The following BUB1 variants were observed in gnomAD, a reference collection of about 807,000 sequenced individuals.
BUB1 encodes mitotic checkpoint serine/threonine-protein kinase BUB1.
In BUB1, 84 loss-of-function variants were observed where a neutral mutation model predicts 135.2. The observed-to-expected ratio is 0.62, with a 90% CI of 0.52 to 0.74. The LOEUF (loss-of-function observed/expected upper bound fraction) is 0.74. BUB1 is among the 30% of genes least tolerant of loss of function. BUB1 has a pLI of 0.00. For synonymous variants in BUB1, 403 were observed against 434.4 expected, an observed-to-expected ratio of 0.93 and a Z score of 0.90; for missense variants, 1,162 against 1,288.3, an observed-to-expected ratio of 0.90 and a Z score of 1.50.
intron 16 of BUB1, among the ~76,000 whole-genome samples, chr2:110,655,005 A>G (rs1689889075): frequency 6.6e-6 from 1 of 152,226 alleles, no homozygotes; most frequent in South Asian, 2.1e-4. Flanking sequence ...TGGTATCTGC[A>G]GGGGTTCCTG....
chr2:110,652,051 T>C (rs1434028627), intron 17 of BUB1, among the ~76,000 whole-genome samples: 2 of 151,220 alleles, frequency 1.3e-5, no homozygotes, highest in East Asian at 3.9e-4. Context: ...TGTATACATA[T>C]ACATCCATAC....
At chr2:110,655,630 T>G (rs1236922644) in intron 16 of BUB1, 109 bp downstream of exon 16, 10 of 1,069,976 alleles carry the variant, frequency 9.3e-6, no homozygotes, top group Non-Finnish European at 1.2e-5. Flanking sequence ...ATTTTCAAAG[T>G]TCCCATGTGG....
At chr2:110,672,284 C>A (rs1690444688) in intron 4 of BUB1, among the ~76,000 whole-genome samples, 1 of 152,090 alleles carries the variant, frequency 6.6e-6, no homozygotes, top group South Asian at 2.1e-4. Flanking sequence ...TAAACAACTT[C>A]AATGTCCAAT....
intron 13 of BUB1, 52 bp from the exon 14 acceptor site, chr2:110,657,697 CT>C: frequency 7.7e-7 from 1 of 1,297,554 alleles, no homozygotes; most frequent in Non-Finnish European, 1.1e-6. Flanking sequence ...AAAAAACATC[CT>C]TTATATTAAA....
intron 18 of BUB1, 150 bp from the exon 19 acceptor site, chr2:110,649,527 C>A: frequency 1.2e-6 from 1 of 803,658 alleles, no homozygotes; most frequent in Non-Finnish European, 1.8e-6. Context: ...TAAAAAAGAA[C>A]TATTTTTAAA....
intron 9 of BUB1, among the ~76,000 whole-genome samples, chr2:110,665,160 G>A (rs1690210510): frequency 1.3e-5 from 2 of 152,190 alleles, no homozygotes; most frequent in Admixed American, 1.3e-4. Context: ...ATCTATCAGA[G>A]GTGTTAGGTA....
At position 110,657,590 on chromosome 2, in the gene BUB1, T is replaced by G. The variant is rs201234763; in HGVS notation, c.1572A>C (p.Ser524=). The G allele has an allele frequency of 6.2e-7, 1 of 1,608,358 alleles. No homozygotes were observed. Among genetic ancestry groups the G allele is most frequent in the South Asian group, 1.1e-5 (1 of 90,150 alleles). The change falls in exon 14 of 25, where the codon TCA becomes TCC. Residue 524 remains serine (S), a synonymous_variant. Coordinates refer to ENST00000302759, the MANE Select transcript of BUB1 (RefSeq NM_004336.5). ...CATCTTCAAACACATGAAAAGCAGA[T>G]GACAAAGAAGAGATGATCTTATTGA... is the stretch of plus-strand genomic sequence containing the variant. ...WGVNKIISSL[S]SAFHVFEDGN...
chr2:110,673,948 A>T, intron 3 of BUB1, 138 bp downstream of exon 3: 1 of 735,254 alleles, frequency 1.4e-6, no homozygotes, highest in Non-Finnish European at 2.1e-6. Flanking sequence ...TGAATCAGAG[A>T]ATGAACAGAT....
At chr2:110,654,256 C>A (rs558372619) in intron 16 of BUB1, among the ~76,000 whole-genome samples, 96 of 151,936 alleles carry the variant, frequency 6.3e-4, no homozygotes, top group African/African-American at 2.3e-3. Flanking sequence ...ATGTTGTAGT[C>A]AATTAGTTGA....
At chr2:110,642,268 C>T (rs767387668) in intron 19 of BUB1, 34 bp from the exon 20 acceptor site, 16 of 1,379,490 alleles carry the variant, frequency 1.2e-5, no homozygotes, top group Middle Eastern at 1.8e-4. Context: ...AATTTATGTA[C>T]GCCTTTTATT....
rs776826645 is a variant in BUB1 at position 110,641,338 on chromosome 2, T to C, written c.2752A>G (p.Ile918Val). Residue 918 changes from isoleucine (I) to valine (V), a missense_variant, in exon 22 of 25, where the codon ATT becomes GTT. By Grantham distance (29) the Ile-to-Val change is conservative. Transcript: ENST00000302759. ...CCAAGTATGAAATTGTCTGGTTTAA[T>C]GTCTCCATGAATGATTTCACAGTCA... is the stretch of plus-strand genomic sequence containing the variant. ...VHDCEIIHGD[I>V]KPDNFILGNG... 5.6e-6 allele frequency: 9 copies of C among 1,612,244 alleles called. No homozygotes were observed. The South Asian group carries it at 6.6e-5, about 12-fold the overall frequency.
intron 3 of BUB1, among the ~76,000 whole-genome samples, chr2:110,673,603 C>T (rs532910841): frequency 2.7e-4 from 37 of 135,372 alleles, no homozygotes; most frequent in African/African-American, 1.0e-3. Context: ...GGTGGGGGAG[C>T]GGGGGGTGGG....
chr2:110,670,031 C>A (rs1007842293), intron 5 of BUB1, among the ~76,000 whole-genome samples: 1 of 149,248 alleles, frequency 6.7e-6, no homozygotes, highest in African/African-American at 2.5e-5. Context: ...GACAAAGCCT[C>A]TGCTCTTTGG....
At chr2:110,646,091 G>A (rs1444576541) in intron 19 of BUB1, among the ~76,000 whole-genome samples, 1 of 151,138 alleles carries the variant, frequency 6.6e-6, no homozygotes, top group Non-Finnish European at 1.5e-5. Flanking sequence ...CAGCACTTTG[G>A]GAGGCCAAGA....
chr2:110,658,715 G>C lies in BUB1; in HGVS notation c.1304C>G (p.Thr435Arg), dbSNP rs1203646219. Reference protein sequence around the residue: ...EGCETHKVANTSSFHTTPNTS... With the variant: ...EGCETHKVANRSSFHTTPNTS... ...GTTTGGAGTTGTGTGAAAAGAACTTGTGTTGGCAACCTTATGTGTTTCACA... is the reference window on the plus strand; with the variant it reads ...GTTTGGAGTTGTGTGAAAAGAACTTCTGTTGGCAACCTTATGTGTTTCACA... The change falls in exon 12 of 25, where the codon ACA becomes AGA. Residue 435 changes from threonine to arginine, a missense_variant. Transcript: ENST00000302759. 1.9e-6 allele frequency: 3 copies of C among 1,614,052 alleles called. No individual in the cohort carries two copies. Among genetic ancestry groups the C allele is most frequent in the African/African-American group, 1.3e-5 (1 of 74,938 alleles).
rs751223022 is a variant in BUB1 at position 110,649,265 on chromosome 2, TG to T, written c.2315del (p.Pro772GlnfsTer38). 1.9e-6 allele frequency: 3 copies of T among 1,611,802 alleles called. No individual in the cohort carries two copies. In the East Asian group the frequency reaches 6.7e-5, roughly 36 times the overall value. The stretch of plus-strand genomic sequence containing the variant: ...GAAATTCAGTCTTGGGCTTGATGGC[TG>T]GAAGTTTACATTGCCATTCAAAAGT... Reference protein sequence around the residue: ...PNTFEWQCKLPAIKPKTEFQL... With the variant: ...PNTFEWQCKLXAIKPKTEFQL... On this transcript the variant is annotated frameshift_variant, in exon 19 of 25. Transcript: ENST00000302759. LOFTEE classifies it high-confidence loss of function.
chr2:110,640,779 T>C (rs549885414), intron 23 of BUB1, among the ~76,000 whole-genome samples: 1 of 152,346 alleles, frequency 6.6e-6, no homozygotes, highest in East Asian at 1.9e-4. Flanking sequence ...CATTAAATAC[T>C]CTTCCCTATG....
At chr2:110,639,913 C>T in intron 23 of BUB1, 65 bp from the exon 24 acceptor site, 3 of 1,309,950 alleles carry the variant, frequency 2.3e-6, no homozygotes, top group Non-Finnish European at 3.3e-6. Context: ...ATCAAGATGC[C>T]TGTCTAACTT....
chr2:110,657,145 T>A (rs577528227), intron 14 of BUB1, 28 bp from the exon 15 acceptor site: 1 of 1,565,198 alleles, frequency 6.4e-7, no homozygotes, highest in South Asian at 1.1e-5. Context: ...AAATTATAAA[T>A]AGTAAAATAT....
Sources: gnomAD v4.1 joint callset for allele counts (sites outside exome capture counted in the v4.1 genomes callset) on GRCh38, gnomAD v4.1.1 for gene constraint, MANE v1.5 for transcripts, NCBI Gene and HGNC (gene_info 2026-07-23, HGNC 2026-07-21) for gene names.